The following IL7R variants were observed in gnomAD, a reference collection of about 807,000 sequenced individuals.
The protein encoded by IL7R is interleukin 7 receptor, also known as interleukin-7 receptor subunit alpha.
A neutral mutation model predicts 47.0 loss-of-function variants in IL7R; 38 were observed. The observed-to-expected ratio is 0.81, with a 90% confidence interval of 0.62 to 1.06. The LOEUF is 1.06. IL7R is among the 50% of genes least tolerant of loss of function. The probability of loss-of-function intolerance (pLI) is 0.00; values close to 1 mark genes in which losing one functional copy is unlikely to be tolerated. For synonymous variants in IL7R, 221 were observed against 199.8 expected (o/e 1.11, Z -0.89); for missense variants, 633 against 534.8 (o/e 1.18, Z -1.81).
At position 35,873,619 on chromosome 5, in the gene IL7R, T is replaced by G; in HGVS notation, c.677T>G (p.Phe226Cys). The change falls in exon 5 of 8, where the codon TTC (phenylalanine) becomes TGC (cysteine). Residue 226 changes from phenylalanine to cysteine, a missense_variant. Phe to Cys is a radical substitution (Grantham distance 205, BLOSUM62 -2). Coordinates refer to ENST00000303115, the MANE Select transcript of IL7R (RefSeq NM_002185.5). ...AGTGAATGGAGTCCAAGTTATTACT[T>G]CAGAACTCCAGAGATCAATAATAGC... ...FWSEWSPSYY[F>C]RTPEINNSSG... 1 of 1,614,030 alleles carries G rather than the reference T, an allele frequency of 6.2e-7. No individual in the cohort carries two copies. The highest frequency in any genetic ancestry group is 1.7e-5 in the Admixed American group (1 of 60,018).
In IL7R at chr5:35,867,302, A is replaced by C; in HGVS notation, c.222-4A>C. 1 of 1,613,146 alleles carries C rather than the reference A, an allele frequency of 6.2e-7. No homozygotes were observed. Among genetic ancestry groups the C allele is most frequent in the Non-Finnish European group, 8.5e-7 (1 of 1,179,202 alleles). ...CAAGACATATCCCCTTTTTATTCCT[A>C]CAGTGGGGCCCTCGTGGAGGTAAAG... On this transcript the variant is annotated splice_polypyrimidine_tract_variant and splice_region_variant and intron_variant, in intron 2 of 7. Coordinates refer to ENST00000303115, the MANE Select transcript of IL7R (RefSeq NM_002185.5).
chr5:35,874,286 C>A (rs573345461), intron 5 of IL7R, among the ~76,000 whole-genome samples, 163 bp from the exon 6 acceptor site: 42 of 152,240 alleles, frequency 2.8e-4, no homozygotes, highest in African/African-American at 9.1e-4. Context: ...CCTTTTAAAC[C>A]AAAATCCCTC....
At chr5:35,867,916 A>G (rs923361123) in intron 3 of IL7R, among the ~76,000 whole-genome samples, 5 of 16,526 alleles carry the variant, frequency 3.0e-4, no homozygotes, top group East Asian at 2.3e-3. Flanking sequence ...TTTTCTACAA[A>G]AAAAAAAGGG....
chr5:35,857,348 ATGT>A (rs1466881211), intron 1 of IL7R, among the ~76,000 whole-genome samples: 14 of 152,126 alleles, frequency 9.2e-5, no homozygotes, highest in Non-Finnish European at 1.8e-4. Flanking sequence ...AAGAATGCTC[ATGT>A]AGATGCTATG....
chr5:35,862,559 G>T lies in IL7R; in HGVS notation c.221+1569G>T, dbSNP rs1292837159. On this transcript the variant is annotated intron_variant, in intron 2 of 7. Coordinates refer to ENST00000303115, the MANE Select transcript of IL7R (RefSeq NM_002185.5). ...CTGCCTTAAGAAAGAAACGTTTTCA[G>T]TGGAAAATATATGTATGAGCTCTTT... Among the ~76,000 whole-genome samples the T allele has an allele frequency of 2.0e-5, 3 of 152,126 alleles. No individual in the cohort carries two copies. In the East Asian group the frequency reaches 5.8e-4, roughly 29 times the overall value.
chr5:35,867,443 A>T lies in IL7R; in HGVS notation c.359A>T (p.Lys120Ile), dbSNP rs201710684. 39 of 1,613,254 alleles carry T rather than the reference A, an allele frequency of 2.4e-5. No individual in the cohort carries two copies. In the South Asian group the frequency reaches 4.3e-4, roughly 18 times the overall value. Reference protein sequence around the residue: ...KVGEKSLTCKKIDLTTIVKPE... With the variant: ...KVGEKSLTCKIIDLTTIVKPE... The stretch of plus-strand genomic sequence containing the variant: ...GGAGAAAAGAGTCTAACCTGCAAAA[A>T]AATAGACCTAACCACTATAGGTAAG... The change falls in exon 3 of 8, where the codon AAA (lysine) becomes ATA (isoleucine). Residue 120 changes from lysine (K) to isoleucine (I), a missense_variant. Transcript: ENST00000303115.
rs1759790215 is a variant in IL7R at position 35,860,923 on chromosome 5, C to T, written c.154C>T (p.Gln52Ter). ...CYSQLEVNGS[Q>*]HSLTCAFEDP... The stretch of plus-strand genomic sequence containing the variant: ...TAGCCAGTTGGAAGTGAATGGATCG[C>T]AGCACTCACTGACCTGTGCTTTTGA... The change falls in exon 2 of 8, where the codon CAG (glutamine) becomes TAG (stop). Residue 52 changes from glutamine (Q) to a stop codon, truncating the protein, a stop_gained. Coordinates refer to ENST00000303115, the MANE Select transcript of IL7R (RefSeq NM_002185.5). LOFTEE classifies it high-confidence loss of function. 1 of 1,612,494 alleles carries T rather than the reference C, an allele frequency of 6.2e-7. No individual in the cohort carries two copies. The highest frequency in any genetic ancestry group is 8.5e-7 in the Non-Finnish European group (1 of 1,178,574).
At chr5:35,872,549 TAAC>T (rs10609481) in intron 4 of IL7R, among the ~76,000 whole-genome samples, 5,266 of 152,226 alleles carry the variant, frequency 0.035, 278 homozygotes, top group African/African-American at 0.12. Context: ...CACCTTCATA[TAAC>T]AACAACAAAA....
intron 3 of IL7R, among the ~76,000 whole-genome samples, chr5:35,869,900 A>T (rs968086893): frequency 6.6e-6 from 1 of 151,998 alleles, no homozygotes; most frequent in African/African-American, 2.4e-5. Flanking sequence ...TTTTTTCAGT[A>T]CCTCTAAGGC....
chr5:35,868,024 A>T (rs1477207561), intron 3 of IL7R, among the ~76,000 whole-genome samples: 1 of 152,214 alleles, frequency 6.6e-6, no homozygotes, highest in African/African-American at 2.4e-5. Context: ...GCAAAAATCC[A>T]TAAGGCAAGC....
chr5:35,869,581 G>A (rs1423996471), intron 3 of IL7R, among the ~76,000 whole-genome samples: 1 of 152,194 alleles, frequency 6.6e-6, no homozygotes, highest in Non-Finnish European at 1.5e-5. Flanking sequence ...ATATGCTGGT[G>A]ATAAGTGACT....
rs142127890 is a variant in IL7R, at chr5:35,858,700, C to A, written c.82+1641C>A. 2.0e-5 allele frequency among the ~76,000 whole-genome samples: 3 copies of A among 152,278 alleles called. No homozygotes were observed. The East Asian group carries it at 5.8e-4, about 29-fold the overall frequency. On this transcript the variant is annotated intron_variant, in intron 1 of 7. Coordinates refer to ENST00000303115, the MANE Select transcript of IL7R (RefSeq NM_002185.5). ...CATGTATATTTTCAGAATTAGAATT[C>A]TTATTTTACCTTTTCATTACTTATT...
chr5:35,872,810 T>C (rs1473228604), intron 4 of IL7R, among the ~76,000 whole-genome samples: 1 of 151,952 alleles, frequency 6.6e-6, no homozygotes, highest in Non-Finnish European at 1.5e-5. Context: ...AAACAGCTGA[T>C]AGATGGTTAG....
At chr5:35,871,011 C>A (rs767818326) in intron 3 of IL7R, 45 bp from the exon 4 acceptor site, 1 of 1,562,854 alleles carries the variant, frequency 6.4e-7, no homozygotes, top group South Asian at 1.1e-5. Flanking sequence ...ATAATTATTT[C>A]CTTGGCTGCC....
chr5:35,863,390 G>T (rs780903742), intron 2 of IL7R, among the ~76,000 whole-genome samples: 1 of 152,114 alleles, frequency 6.6e-6, no homozygotes, highest in East Asian at 1.9e-4. Context: ...CAGCTCACTC[G>T]AAGCCAGACA....
At position 35,877,919 on chromosome 5, in the gene IL7R, C is replaced by T. The variant is rs558812912; in HGVS notation, c.*1433C>T. ...TTCACAGAACCACAAAGGGCAGATG[C>T]TGCACAGAAAACTAGAGAAGGGGTC... On this transcript the variant is annotated 3_prime_UTR_variant, in exon 8 of 8. Coordinates refer to ENST00000303115, the MANE Select transcript of IL7R (RefSeq NM_002185.5). 70 of 233,292 alleles carry T rather than the reference C, an allele frequency of 3.0e-4. No homozygotes were observed. Among genetic ancestry groups the T allele is most frequent in the African/African-American group, 1.2e-3 (55 of 45,456 alleles). The allele number at this position is 233,292 out of a possible 1,614,324, so 14.5% of individuals were successfully genotyped here. A position where few individuals can be genotyped will look rare whatever the true frequency, so the allele number is the denominator to read the frequency against.
intron 2 of IL7R, among the ~76,000 whole-genome samples, chr5:35,865,955 A>G (rs1358754498): frequency 6.6e-6 from 1 of 152,182 alleles, no homozygotes; most frequent in Non-Finnish European, 1.5e-5. Context: ...ACCACTGAAT[A>G]GAAATGGTGA....
At chr5:35,871,786 C>G (rs1010900215) in intron 4 of IL7R, among the ~76,000 whole-genome samples, 1 of 152,010 alleles carries the variant, frequency 6.6e-6, no homozygotes, top group African/African-American at 2.4e-5. Context: ...TTTGGCAGTC[C>G]CTGAAATTTA....
chr5:35,866,331 C>A (rs1759938837), intron 2 of IL7R, among the ~76,000 whole-genome samples: 1 of 152,066 alleles, frequency 6.6e-6, no homozygotes. Flanking sequence ...TTTGCTTATA[C>A]ATTTTTGAGG....
Sources: allele counts gnomAD v4.1 joint callset (sites outside exome capture counted in the v4.1 genomes callset), GRCh38; gene constraint gnomAD v4.1.1; transcripts MANE v1.5; gene names NCBI Gene and HGNC (gene_info 2026-07-23, HGNC 2026-07-21).